The following TMEM135 variants were observed in gnomAD, a reference collection of about 807,000 sequenced individuals.
The protein encoded by TMEM135 is peroxisomal membrane protein 52.
Under a neutral mutation model 60.3 loss-of-function variants are expected in TMEM135, and 30 were observed. That is an observed-to-expected ratio of 0.50 (90% CI 0.37 to 0.68). The LOEUF is 0.68. Ranked by LOEUF, TMEM135 falls within the 30% of genes least tolerant of loss-of-function variation. TMEM135 has a pLI of 0.00. For synonymous variants in TMEM135, 190 were observed against 186.7 expected, an observed-to-expected ratio of 1.02 and a Z score of -0.14; for missense variants, 468 against 548.8, an observed-to-expected ratio of 0.85 and a Z score of 1.47.
At chr11:87,249,318 T>C (rs1941363355) in intron 6 of TMEM135, among the ~76,000 whole-genome samples, 1 of 152,160 alleles carries the variant, frequency 6.6e-6, no homozygotes, top group Non-Finnish European at 1.5e-5. Flanking sequence ...TGAATTTTGT[T>C]AAGTGCTTTT....
At chr11:87,257,689 A>AT (rs1204877835) in intron 6 of TMEM135, among the ~76,000 whole-genome samples, 1 of 152,206 alleles carries the variant, frequency 6.6e-6, no homozygotes, top group Non-Finnish European at 1.5e-5. Context: ...ATCTGTAGAG[A>AT]TAAAAATTAG....
Position 87,097,648 on chromosome 11 carries a change from CACT to C in TMEM135, c.396+6254_396+6256del, listed in dbSNP as rs1410444521. On this transcript the variant is annotated intron_variant, in intron 4 of 14. Coordinates refer to ENST00000305494, the MANE Select transcript of TMEM135 (RefSeq NM_022918.4). The stretch of plus-strand genomic sequence containing the variant: ...TGTTTCTCTGGCTTCCTTTTACCAC[CACT>C]GTCTGCTTCCTCATTCTCCACTTCA... 1.4e-4 allele frequency among the ~76,000 whole-genome samples: 21 copies of C among 152,238 alleles called. No homozygotes were observed. The South Asian group carries it at 1.9e-3, about 14-fold the overall frequency.
intron 8 of TMEM135, among the ~76,000 whole-genome samples, chr11:87,302,705 A>G (rs1942470257): frequency 6.6e-6 from 1 of 152,246 alleles, no homozygotes; most frequent in Non-Finnish European, 1.5e-5. Context: ...GCAGAATTAC[A>G]GGAGGCTATG....
chr11:87,126,879 G>T (rs980160185), intron 4 of TMEM135, among the ~76,000 whole-genome samples: 1 of 152,084 alleles, frequency 6.6e-6, no homozygotes, highest in Non-Finnish European at 1.5e-5. Flanking sequence ...GGAATTAAAA[G>T]TCAAAAGCAG....
chr11:87,180,981 C>A (rs1939498976), intron 5 of TMEM135, among the ~76,000 whole-genome samples: 1 of 152,070 alleles, frequency 6.6e-6, no homozygotes, highest in African/African-American at 2.4e-5. Context: ...CTAACAAATG[C>A]CATTCCTAAG....
At chr11:87,288,171 A>G (rs1403933107) in intron 6 of TMEM135, among the ~76,000 whole-genome samples, 1 of 152,210 alleles carries the variant, frequency 6.6e-6, no homozygotes, top group Non-Finnish European at 1.5e-5. Flanking sequence ...AATAATAAAC[A>G]GCATTTTATA....
chr11:87,271,907 G>C (rs1941870795), intron 6 of TMEM135, among the ~76,000 whole-genome samples: 2 of 151,836 alleles, frequency 1.3e-5, no homozygotes. Context: ...CTGCGCTTTA[G>C]TCTGGGTGAT....
chr11:87,174,917 G>T (rs754774225), intron 5 of TMEM135, among the ~76,000 whole-genome samples: 2 of 152,070 alleles, frequency 1.3e-5, no homozygotes, highest in African/African-American at 4.8e-5. Flanking sequence ...TCTCTAATGT[G>T]GTGGGAAGAA....
intron 6 of TMEM135, among the ~76,000 whole-genome samples, chr11:87,260,569 C>A (rs942552687): frequency 6.6e-6 from 1 of 151,834 alleles, no homozygotes; most frequent in African/African-American, 2.4e-5. Context: ...TTTTAATTTT[C>A]TGTTACATTA....
At chr11:87,146,218 G>C (rs1938410563) in intron 4 of TMEM135, among the ~76,000 whole-genome samples, 1 of 152,072 alleles carries the variant, frequency 6.6e-6, no homozygotes, top group South Asian at 2.1e-4. Flanking sequence ...TGGTACTTTT[G>C]TCAAAAATCA....
chr11:87,286,797 C>G (rs11235078), intron 6 of TMEM135, among the ~76,000 whole-genome samples: 1 of 151,988 alleles, frequency 6.6e-6, no homozygotes, highest in Non-Finnish European at 1.5e-5. Flanking sequence ...TTTATGCTTA[C>G]GGTAACAAGA....
At chr11:87,170,032 C>CGCACGTTATTTTATTAA (rs2135287073) in intron 5 of TMEM135, among the ~76,000 whole-genome samples, 1 of 150,868 alleles carries the variant, frequency 6.6e-6, no homozygotes, top group African/African-American at 2.4e-5. Flanking sequence ...ATCTTGTCTT[C>CGCACGTTATTTTATTAA]GTTGATCTTC....
At chr11:87,094,215 G>A (rs2513225) in intron 4 of TMEM135, among the ~76,000 whole-genome samples, 97,805 of 151,940 alleles carry the variant, frequency 0.64, 32,648 homozygotes, top group East Asian at 0.88. Context: ...TGCTTGGAAT[G>A]TTTGAATGTC....
At chr11:87,174,086 A>G (rs1939310155) in intron 5 of TMEM135, among the ~76,000 whole-genome samples, 1 of 152,290 alleles carries the variant, frequency 6.6e-6, no homozygotes, top group Middle Eastern at 3.4e-3. Flanking sequence ...AAGTTATAAC[A>G]TGGTGAAAAC....
intron 5 of TMEM135, among the ~76,000 whole-genome samples, chr11:87,177,492 A>G (rs533653428): frequency 1.3e-5 from 2 of 152,320 alleles, no homozygotes; most frequent in Admixed American, 1.3e-4. Context: ...TTATTGTGGT[A>G]TAATAGCCAT....
rs542546606 is a variant in TMEM135, at chr11:87,138,959, C to T, written c.397-18382C>T. Among the ~76,000 whole-genome samples, 16 of 152,278 alleles carry T rather than the reference C, an allele frequency of 1.1e-4. No individual in the cohort carries two copies. In the South Asian group the frequency reaches 2.7e-3, roughly 26 times the overall value. ...TAACTTACTTATCTTGGATCCCCAG[C>T]GTACCTACGAGTATGACATGCAGGC... On this transcript the variant is annotated intron_variant, in intron 4 of 14. Transcript: ENST00000305494.
chr11:87,246,192 T>G (rs1282950723), intron 6 of TMEM135, among the ~76,000 whole-genome samples: 1 of 145,270 alleles, frequency 6.9e-6, no homozygotes, highest in African/African-American at 2.6e-5. Flanking sequence ...CACTGTCTTC[T>G]GGCTTGTAGA....
At chr11:87,283,288 G>A (rs763031884) in intron 6 of TMEM135, among the ~76,000 whole-genome samples, 7 of 150,850 alleles carry the variant, frequency 4.6e-5, no homozygotes, top group South Asian at 2.1e-4. Context: ...AGCCGAGACC[G>A]TGCCATTGCA....
intron 6 of TMEM135, among the ~76,000 whole-genome samples, chr11:87,274,370 C>T (rs1344685058): frequency 6.6e-6 from 1 of 152,168 alleles, no homozygotes; most frequent in Non-Finnish European, 1.5e-5. Flanking sequence ...ATAACAGTCT[C>T]TGCCCTCTTC....
Sources: gnomAD v4.1 joint callset for allele counts (sites outside exome capture counted in the v4.1 genomes callset) on GRCh38, gnomAD v4.1.1 for gene constraint, MANE v1.5 for transcripts, NCBI Gene and HGNC (gene_info 2026-07-23, HGNC 2026-07-21) for gene names.